The following SEMA6D variants were observed in gnomAD, a reference collection of about 807,000 sequenced individuals.
SEMA6D encodes the protein semaphorin 6D, also known as semaphorin-6D.
Under a neutral mutation model 106.6 loss-of-function variants are expected in SEMA6D, and 35 were observed. The ratio of observed to expected loss-of-function variants is 0.33; its 90% confidence interval spans 0.25 to 0.44. The LOEUF (loss-of-function observed/expected upper bound fraction) is 0.44, where lower values mean the gene tolerates loss of function less well. Among genes scored for constraint, SEMA6D ranks in the 20% least tolerant of loss-of-function variants. SEMA6D has a pLI of 1.00. For synonymous variants in SEMA6D, 499 were observed against 487.7 expected, an observed-to-expected ratio of 1.02 and a Z score of -0.31; for missense variants, 1,185 against 1,345.9, an observed-to-expected ratio of 0.88 and a Z score of 1.87.
chr15:47,573,427 A>G (rs1429619036), intron 3 of SEMA6D, among the ~76,000 whole-genome samples: 3 of 152,232 alleles, frequency 2.0e-5, no homozygotes, highest in African/African-American at 7.2e-5. Flanking sequence ...TTACATGACA[A>G]ACTTCCGTTG....
At chr15:47,215,349 T>C (rs961357507) in intron 1 of SEMA6D, among the ~76,000 whole-genome samples, 8 of 152,070 alleles carry the variant, frequency 5.3e-5, no homozygotes, top group African/African-American at 1.9e-4. Context: ...TCCACAGATA[T>C]ATTAAAGGGG....
intron 3 of SEMA6D, among the ~76,000 whole-genome samples, chr15:47,483,215 C>G (rs1158370466): frequency 1.3e-5 from 2 of 152,120 alleles, no homozygotes; most frequent in African/African-American, 4.8e-5. Context: ...CCTCATACAA[C>G]TTGAAAATAT....
intron 4 of SEMA6D, among the ~76,000 whole-genome samples, chr15:47,682,343 A>G (rs1368825991): frequency 6.6e-6 from 1 of 151,910 alleles, no homozygotes; most frequent in Non-Finnish European, 1.5e-5. Flanking sequence ...AATTTTTTGT[A>G]TTTGTAGTAG....
At chr15:47,273,928 C>T (rs1303850955) in intron 1 of SEMA6D, among the ~76,000 whole-genome samples, 1 of 152,114 alleles carries the variant, frequency 6.6e-6, no homozygotes, top group Non-Finnish European at 1.5e-5. Context: ...ACTATTCTAC[C>T]TGCTGTTTTT....
chr15:47,227,608 T>C (rs2031828245), intron 1 of SEMA6D, among the ~76,000 whole-genome samples: 1 of 141,390 alleles, frequency 7.1e-6, no homozygotes, highest in Non-Finnish European at 1.6e-5. Flanking sequence ...AACACATGCA[T>C]GCATACATCT....
intron 4 of SEMA6D, among the ~76,000 whole-genome samples, chr15:47,632,609 T>A (rs1246838743): frequency 1.3e-5 from 2 of 152,070 alleles, no homozygotes; most frequent in Non-Finnish European, 2.9e-5. Flanking sequence ...TTTTGGTTAC[T>A]AATTTTCATA....
At chr15:47,713,348 T>C (rs1480349807), upstream of SEMA6D, among the ~76,000 whole-genome samples, 2 of 152,160 alleles carry the variant, frequency 1.3e-5, no homozygotes, top group African/African-American at 4.8e-5. Flanking sequence ...AGAAATGAAT[T>C]ATGTCAGTAA....
At chr15:47,276,573 G>T (rs1441578707) in intron 1 of SEMA6D, among the ~76,000 whole-genome samples, 3 of 152,082 alleles carry the variant, frequency 2.0e-5, no homozygotes, top group South Asian at 2.1e-4. Flanking sequence ...TTTACTGCAT[G>T]GTTTTAGCGA....
chr15:47,441,012 A>G (rs982592126), intron 2 of SEMA6D, among the ~76,000 whole-genome samples: 1 of 152,022 alleles, frequency 6.6e-6, no homozygotes, highest in Non-Finnish European at 1.5e-5. Flanking sequence ...TTTGCCTTTG[A>G]AATGTTACCA....
chr15:47,191,848 C>A (rs1893984721), intron 1 of SEMA6D, among the ~76,000 whole-genome samples: 1 of 152,072 alleles, frequency 6.6e-6, no homozygotes, highest in Admixed American at 6.6e-5. Context: ...AGATAGTAGT[C>A]TCTGTTATAG....
intron 3 of SEMA6D, among the ~76,000 whole-genome samples, chr15:47,495,858 G>T (rs1187971701): frequency 6.6e-6 from 1 of 151,872 alleles, no homozygotes; most frequent in African/African-American, 2.4e-5. Context: ...GTATTTAAAA[G>T]GTGCCCTTCA....
At chr15:47,637,033 A>G (rs1026102612) in intron 4 of SEMA6D, among the ~76,000 whole-genome samples, 1 of 152,132 alleles carries the variant, frequency 6.6e-6, no homozygotes, top group East Asian at 1.9e-4. Context: ...GATGCTGATG[A>G]AAAAAAGGCA....
chr15:47,543,771 C>A (rs190543503), intron 3 of SEMA6D, among the ~76,000 whole-genome samples: 3 of 152,042 alleles, frequency 2.0e-5, no homozygotes, highest in African/African-American at 7.2e-5. Context: ...TTATTTCATT[C>A]CCATGATTTT....
intron 2 of SEMA6D, among the ~76,000 whole-genome samples, chr15:47,449,748 A>G (rs969751120): frequency 5.9e-5 from 9 of 152,080 alleles, no homozygotes; most frequent in Admixed American, 3.3e-4. Flanking sequence ...TATCAGTAAA[A>G]TATCATTAAT....
intron 4 of SEMA6D, among the ~76,000 whole-genome samples, chr15:47,683,513 A>G (rs903064764): frequency 6.6e-6 from 1 of 152,202 alleles, no homozygotes; most frequent in Non-Finnish European, 1.5e-5. Flanking sequence ...TTAAATTTGC[A>G]TCATATTATA....
chr15:47,673,702 G>T (rs144570769), intron 4 of SEMA6D, among the ~76,000 whole-genome samples: 1 of 152,188 alleles, frequency 6.6e-6, no homozygotes, highest in Admixed American at 6.5e-5. Flanking sequence ...GAGCTGTCAC[G>T]TGGGGGGAGA....
chr15:47,207,276 T>G (rs1484239414), intron 1 of SEMA6D, among the ~76,000 whole-genome samples: 2 of 152,184 alleles, frequency 1.3e-5, no homozygotes, highest in Non-Finnish European at 2.9e-5. Context: ...CCTCCTTTGC[T>G]CCATTTGTGC....
At chr15:47,575,876 A>G (rs545383666) in intron 3 of SEMA6D, among the ~76,000 whole-genome samples, 322 of 152,322 alleles carry the variant, frequency 2.1e-3, no homozygotes, top group African/African-American at 7.4e-3. Flanking sequence ...AAATTAACAC[A>G]AATGCACATG....
At chr15:47,342,720 TA>T (rs1449008609) in intron 1 of SEMA6D, among the ~76,000 whole-genome samples, 5 of 152,202 alleles carry the variant, frequency 3.3e-5, no homozygotes, top group African/African-American at 7.2e-5. Context: ...ACTATTTTTT[TA>T]TTTTTTTAAG....
Sources: gnomAD v4.1 joint callset for allele counts (sites outside exome capture counted in the v4.1 genomes callset) on GRCh38, gnomAD v4.1.1 for gene constraint, MANE v1.5 for transcripts, NCBI Gene and HGNC (gene_info 2026-07-23, HGNC 2026-07-21) for gene names.